NRXN1: variants seen among roughly 807,000 people sequenced by gnomAD.
NRXN1 encodes the protein neurexin 1, also known as neurexin-1.
Under a neutral mutation model 150.9 loss-of-function variants are expected in NRXN1, and 39 were observed. The ratio of observed to expected loss-of-function variants is 0.26; its 90% CI spans 0.20 to 0.34. NRXN1 has a LOEUF of 0.34. NRXN1 is among the 10% of genes least tolerant of loss of function. NRXN1 has a pLI of 1.00. For missense variants in NRXN1, 1,815 were observed against 1,949.9 expected (o/e 0.93, Z 1.30); for synonymous variants, 924 against 757.0 (o/e 1.22, Z -3.62).
chr2:50,144,264 A>AT (rs1215685273), intron 18 of NRXN1, among the ~76,000 whole-genome samples: 1 of 151,628 alleles, frequency 6.6e-6, no homozygotes, highest in African/African-American at 2.4e-5. Context: ...CTTCCTTCAT[A>AT]TTTTTCATTG....
At chr2:50,079,200 T>G (rs1311587171) in intron 19 of NRXN1, among the ~76,000 whole-genome samples, 1 of 152,098 alleles carries the variant, frequency 6.6e-6, no homozygotes, top group Non-Finnish European at 1.5e-5. Context: ...GTTGCTCAAT[T>G]TGATCTAGTT....
At chr2:50,717,887 G>T (rs1272739217) in intron 5 of NRXN1, among the ~76,000 whole-genome samples, 17 of 152,122 alleles carry the variant, frequency 1.1e-4, no homozygotes, top group Admixed American at 1.1e-3. Context: ...TCACATTCAT[G>T]AGGGTTTCAC....
intron 2 of NRXN1, among the ~76,000 whole-genome samples, chr2:50,994,391 A>C (rs920714129): frequency 4.6e-5 from 7 of 152,028 alleles, no homozygotes; most frequent in African/African-American, 1.7e-4. Context: ...ACTTATCCTC[A>C]AGTTTTCCAA....
intron 19 of NRXN1, among the ~76,000 whole-genome samples, chr2:50,068,116 A>C (rs1695642079): frequency 6.6e-6 from 1 of 152,156 alleles, no homozygotes; most frequent in Non-Finnish European, 1.5e-5. Flanking sequence ...TGACATTCTG[A>C]TCTTATTTTC....
intron 17 of NRXN1, among the ~76,000 whole-genome samples, chr2:50,423,439 C>T (rs1176517601): frequency 6.6e-6 from 1 of 152,048 alleles, no homozygotes; most frequent in African/African-American, 2.4e-5. Flanking sequence ...GGCTTTGTGT[C>T]CTCAATGGGC....
intron 18 of NRXN1, among the ~76,000 whole-genome samples, chr2:50,226,934 A>G (rs1030520497): frequency 6.6e-6 from 1 of 152,020 alleles, no homozygotes; most frequent in South Asian, 2.1e-4. Flanking sequence ...TTATTTCAAC[A>G]AATACTGATT....
At chr2:50,877,066 T>C (rs1678704530) in intron 5 of NRXN1, among the ~76,000 whole-genome samples, 1 of 151,860 alleles carries the variant, frequency 6.6e-6, no homozygotes, top group South Asian at 2.1e-4. Flanking sequence ...TTTTACTGTC[T>C]CTTTCTTCCT....
intron 17 of NRXN1, among the ~76,000 whole-genome samples, chr2:50,301,730 A>C (rs1175514756): frequency 6.6e-6 from 1 of 152,204 alleles, no homozygotes; most frequent in Non-Finnish European, 1.5e-5. Context: ...CAGGAACACA[A>C]GAGAATTGAA....
At chr2:50,215,258 A>T (rs1458049965) in intron 18 of NRXN1, among the ~76,000 whole-genome samples, 1 of 152,012 alleles carries the variant, frequency 6.6e-6, no homozygotes, top group African/African-American at 2.4e-5. Flanking sequence ...AAAGGTTATT[A>T]TAAGGCTCTG....
chr2:51,013,554 G>C (rs1463491860), intron 2 of NRXN1, among the ~76,000 whole-genome samples: 7 of 149,458 alleles, frequency 4.7e-5, no homozygotes, highest in African/African-American at 1.5e-4. Flanking sequence ...CACGTTAAAA[G>C]GCTTTCAGAA....
chr2:50,486,845 CT>C (rs1365332387), intron 15 of NRXN1, among the ~76,000 whole-genome samples: 2 of 152,212 alleles, frequency 1.3e-5, no homozygotes, highest in Non-Finnish European at 2.9e-5. Flanking sequence ...CCAAATGAGC[CT>C]TATGAGCCCT....
chr2:50,057,325 T>C (rs977095736), intron 19 of NRXN1, among the ~76,000 whole-genome samples: 8 of 152,182 alleles, frequency 5.3e-5, no homozygotes, highest in Non-Finnish European at 1.2e-4. Flanking sequence ...GCTTCCTTTA[T>C]GGAAAATACT....
chr2:50,647,475 A>G (rs1423147587), intron 5 of NRXN1, among the ~76,000 whole-genome samples: 1 of 152,002 alleles, frequency 6.6e-6, no homozygotes, highest in Non-Finnish European at 1.5e-5. Flanking sequence ...ACACAGGAAA[A>G]CAAAATAGAA....
chr2:50,744,039 C>T (rs372766297), intron 5 of NRXN1, among the ~76,000 whole-genome samples: 5 of 152,128 alleles, frequency 3.3e-5, no homozygotes, highest in African/African-American at 1.2e-4. Context: ...ATCACCCACA[C>T]TGAGCCTTTT....
intron 5 of NRXN1, among the ~76,000 whole-genome samples, chr2:50,724,351 A>C (rs1194080820): frequency 1.3e-5 from 2 of 152,210 alleles, no homozygotes; most frequent in African/African-American, 4.8e-5. Context: ...AGGAACCTTT[A>C]GAAATAGTTT....
At chr2:50,219,952 TA>T (rs1559115434) in intron 18 of NRXN1, among the ~76,000 whole-genome samples, 33 of 67,628 alleles carry the variant, frequency 4.9e-4, no homozygotes, top group Middle Eastern at 5.8e-3. Flanking sequence ...ATTATATATA[TA>T]ATATATATAT....
At chr2:50,687,551 C>A (rs1341476116) in intron 5 of NRXN1, among the ~76,000 whole-genome samples, 1 of 152,042 alleles carries the variant, frequency 6.6e-6, no homozygotes, top group African/African-American at 2.4e-5. Context: ...TCTAATCTGT[C>A]GTGGGCTGGG....
At chr2:50,510,124 A>G (rs541807345) in intron 12 of NRXN1, among the ~76,000 whole-genome samples, 47 of 152,154 alleles carry the variant, frequency 3.1e-4, no homozygotes, top group African/African-American at 1.1e-3. Flanking sequence ...AAGCCATCCA[A>G]TCTATGGTAT....
chr2:51,013,110 G>A (rs886150136), intron 2 of NRXN1, among the ~76,000 whole-genome samples: 1 of 152,026 alleles, frequency 6.6e-6, no homozygotes, highest in Admixed American at 6.6e-5. Context: ...GTACTGGGAG[G>A]ATACCCTGGA....
Sources: allele counts gnomAD v4.1 joint callset (sites outside exome capture counted in the v4.1 genomes callset), GRCh38; gene constraint gnomAD v4.1.1; transcripts MANE v1.5; gene names NCBI Gene and HGNC (gene_info 2026-07-23, HGNC 2026-07-21).